ZNF385D: variants seen among roughly 807,000 people sequenced by gnomAD.
ZNF385D encodes zinc finger protein 385D.
In ZNF385D, 15 loss-of-function variants were observed where a neutral mutation model predicts 35.8. The ratio of observed to expected loss-of-function variants is 0.42; its 90% CI spans 0.28 to 0.64. The LOEUF is 0.64. Ranked by LOEUF, ZNF385D falls within the 30% of genes least tolerant of loss-of-function variation. ZNF385D has a pLI of 0.23. For missense variants in ZNF385D, 474 were observed against 494.6 expected (o/e 0.96, Z 0.39); for synonymous variants, 212 against 186.8 (o/e 1.13, Z -1.10).
At chr3:21,475,763 G>A (rs1055749466) in intron 4 of ZNF385D, among the ~76,000 whole-genome samples, 12 of 152,116 alleles carry the variant, frequency 7.9e-5, no homozygotes, top group Admixed American at 6.6e-4. Flanking sequence ...TGCAAAGCAA[G>A]TGTAAGGCAG....
intron 3 of ZNF385D, among the ~76,000 whole-genome samples, chr3:21,796,860 G>T (rs1376875173): frequency 6.6e-6 from 1 of 152,154 alleles, no homozygotes; most frequent in Non-Finnish European, 1.5e-5. Context: ...ACAAGGCACT[G>T]GTAACTTGTT....
chr3:21,888,103 T>A (rs890691755), intron 3 of ZNF385D, among the ~76,000 whole-genome samples: 1 of 152,100 alleles, frequency 6.6e-6, no homozygotes, highest in Non-Finnish European at 1.5e-5. Flanking sequence ...GGAAAAAACA[T>A]CTCATAATTT....
At chr3:21,483,394 A>G (rs1452469907) in intron 4 of ZNF385D, among the ~76,000 whole-genome samples, 1 of 152,162 alleles carries the variant, frequency 6.6e-6, no homozygotes, top group Admixed American at 6.6e-5. Context: ...CCAATGAAAG[A>G]CAGGTTGTTT....
At chr3:22,096,607 C>T (rs374542779) in intron 3 of ZNF385D, among the ~76,000 whole-genome samples, 2 of 151,926 alleles carry the variant, frequency 1.3e-5, no homozygotes, top group Non-Finnish European at 2.9e-5. Context: ...TTTTCTGACC[C>T]CTTAGGGTTA....
rs1039149460 is a variant in ZNF385D at position 22,245,045 on chromosome 3, G to C, written c.107-76010C>G. 4.6e-5 allele frequency among the ~76,000 whole-genome samples: 7 copies of C among 152,180 alleles called. No homozygotes were observed. In the East Asian group the frequency reaches 5.8e-4, roughly 13 times the overall value. On this transcript the variant is annotated intron_variant, in intron 2 of 5. Transcript: ENST00000494108. ...GAGAAAGTAGAAAAATGACCTCCAA[G>C]TGAATAGACGATCTATGCTGTATAA...
intron 3 of ZNF385D, among the ~76,000 whole-genome samples, chr3:21,879,006 T>C (rs908371945): frequency 6.6e-6 from 1 of 152,008 alleles, no homozygotes; most frequent in East Asian, 1.9e-4. Context: ...CTGCCAACAG[T>C]AGTTCTCTTG....
At chr3:22,151,834 A>T (rs1316273219) in intron 3 of ZNF385D, among the ~76,000 whole-genome samples, 2 of 152,134 alleles carry the variant, frequency 1.3e-5, no homozygotes, top group African/African-American at 2.4e-5. Flanking sequence ...AAGAAAATTC[A>T]ATTTACCTCA....
chr3:22,035,839 G>T (rs1367311497), intron 3 of ZNF385D, among the ~76,000 whole-genome samples: 2 of 152,160 alleles, frequency 1.3e-5, no homozygotes. Flanking sequence ...TAAAAATATT[G>T]TGGATCTTGT....
chr3:22,090,107 A>T (rs942086180), intron 3 of ZNF385D, among the ~76,000 whole-genome samples: 1 of 152,094 alleles, frequency 6.6e-6, no homozygotes, highest in African/African-American at 2.4e-5. Flanking sequence ...CAAAGTGCTG[A>T]TATTGCAGGC....
chr3:21,589,083 A>G (rs2063895986), intron 2 of ZNF385D, among the ~76,000 whole-genome samples: 1 of 152,210 alleles, frequency 6.6e-6, no homozygotes, highest in Non-Finnish European at 1.5e-5. Context: ...ACACAAATTC[A>G]AATAGTCACA....
intron 3 of ZNF385D, among the ~76,000 whole-genome samples, chr3:22,071,655 C>T (rs1276869342): frequency 6.6e-6 from 1 of 151,952 alleles, no homozygotes; most frequent in Admixed American, 6.6e-5. Context: ...AGAAAATATC[C>T]CTGATTATTT....
rs989622647 is a variant in ZNF385D, at chr3:21,920,946, T to G, written c.325+247871A>C. Among the ~76,000 whole-genome samples, 11 of 152,176 alleles carry G rather than the reference T, an allele frequency of 7.2e-5. No individual in the cohort carries two copies. In the East Asian group the frequency reaches 1.5e-3, roughly 21 times the overall value. On this transcript the variant is annotated intron_variant, in intron 3 of 5. Transcript: ENST00000494108. ...AAAACAAACACTGGGTAAGGCGCAGTGGCTCATGCTTGTAATCCCAGCACT... is the reference window on the plus strand; with the variant it reads ...AAAACAAACACTGGGTAAGGCGCAGGGGCTCATGCTTGTAATCCCAGCACT...
Position 21,994,940 on chromosome 3 carries a change from G to A in ZNF385D, c.325+173877C>T, listed in dbSNP as rs558499283. Reference sequence around the variant, plus strand: ...GCACTAGTGGCAACAGCAGTGGGCTGGGTGTGTAAACACTTGAGCCCTCAG... The same window carrying A: ...GCACTAGTGGCAACAGCAGTGGGCTAGGTGTGTAAACACTTGAGCCCTCAG... On this transcript the variant is annotated intron_variant, in intron 3 of 5. Transcript: ENST00000494108. Among the ~76,000 whole-genome samples, 3 of 152,314 alleles carry A rather than the reference G, an allele frequency of 2.0e-5. No homozygotes were observed. The East Asian group carries it at 5.8e-4, about 29-fold the overall frequency.
chr3:21,633,634 T>C (rs1259010879), intron 2 of ZNF385D, among the ~76,000 whole-genome samples: 4 of 152,198 alleles, frequency 2.6e-5, no homozygotes, highest in Middle Eastern at 3.4e-3. Context: ...ACTGAGGAAA[T>C]ATCAGATAGT....
intron 3 of ZNF385D, among the ~76,000 whole-genome samples, chr3:21,998,390 G>C (rs1695617448): frequency 6.6e-6 from 1 of 152,240 alleles, no homozygotes. Context: ...CCCAAGCTGA[G>C]CCCTAATTTT....
At chr3:22,021,941 C>T (rs944650247) in intron 3 of ZNF385D, among the ~76,000 whole-genome samples, 1 of 152,036 alleles carries the variant, frequency 6.6e-6, no homozygotes, top group Non-Finnish European at 1.5e-5. Flanking sequence ...GGCCTCTGTT[C>T]TCACTTGTTC....
chr3:21,926,311 G>A (rs560205855), intron 3 of ZNF385D, among the ~76,000 whole-genome samples: 19 of 152,140 alleles, frequency 1.2e-4, no homozygotes, highest in South Asian at 4.2e-4. Context: ...AGGACCCAGT[G>A]TGTGATGCTC....
intron 2 of ZNF385D, among the ~76,000 whole-genome samples, chr3:22,290,402 C>T (rs1296966406): frequency 6.6e-6 from 1 of 152,136 alleles, no homozygotes; most frequent in African/African-American, 2.4e-5. Flanking sequence ...TCTCACTCCT[C>T]TCACCTTTTC....
intron 3 of ZNF385D, among the ~76,000 whole-genome samples, chr3:22,038,154 CA>C (rs1416856118): frequency 6.6e-6 from 1 of 152,108 alleles, no homozygotes; most frequent in Non-Finnish European, 1.5e-5. Flanking sequence ...CAACCTAGAG[CA>C]AATTGCTGAA....
Sources: gnomAD v4.1 joint callset for allele counts (sites outside exome capture counted in the v4.1 genomes callset) on GRCh38, gnomAD v4.1.1 for gene constraint, MANE v1.5 for transcripts, NCBI Gene and HGNC (gene_info 2026-07-23, HGNC 2026-07-21) for gene names.